Variants in SLC38A9 observed in about 807,000 individuals in gnomAD.
SLC38A9 encodes neutral amino acid transporter 9.
SLC38A9 carries 48 observed loss-of-function variants against 62.3 expected under a neutral mutation model. The observed-to-expected ratio is 0.77, with a 90% CI of 0.61 to 0.98. The LOEUF (loss-of-function observed/expected upper bound fraction) is 0.98, where lower values mean the gene tolerates loss of function less well. Among genes scored for constraint, SLC38A9 ranks in the 50% least tolerant of loss-of-function variants. SLC38A9 has a pLI of 0.00. For missense variants in SLC38A9, 541 were observed against 679.8 expected (o/e 0.80, Z 2.27); for synonymous variants, 204 against 227.7 (o/e 0.90, Z 0.94).
intron 4 of SLC38A9, 109 bp from the exon 5 acceptor site, chr5:55,669,988 G>A (rs983708804): frequency 2.4e-5 from 25 of 1,057,848 alleles, no homozygotes; most frequent in Non-Finnish European, 3.1e-5. Context: ...TCTTTTGAAC[G>A]GAGTCTCGCC....
intron 3 of SLC38A9, chr5:55,693,308 A>G (rs541898185): frequency 3.3e-5 from 5 of 152,300 alleles, no homozygotes; most frequent in South Asian, 2.1e-4. Context: ...CTGTACTTCA[A>G]TTTTTCACTT....
At chr5:55,636,757 T>G (rs1265321960) in intron 12 of SLC38A9, among the ~76,000 whole-genome samples, 1 of 152,180 alleles carries the variant, frequency 6.6e-6, no homozygotes, top group Non-Finnish European at 1.5e-5. Flanking sequence ...AGGTCTAAAT[T>G]GACAATCAGC....
At chr5:55,640,987 C>T (rs377428839) in intron 12 of SLC38A9, among the ~76,000 whole-genome samples, 251 of 152,232 alleles carry the variant, frequency 1.6e-3, no homozygotes, top group African/African-American at 5.6e-3. Flanking sequence ...CAGGCATGTG[C>T]CACCACGCCC....
chr5:55,655,854 C>G (rs1748314576), intron 9 of SLC38A9, among the ~76,000 whole-genome samples: 1 of 151,982 alleles, frequency 6.6e-6, no homozygotes. Context: ...TAACTGTTAC[C>G]AAAGTTATAT....
chr5:55,632,373 G>A (rs1004938543), intron 14 of SLC38A9, among the ~76,000 whole-genome samples: 2 of 152,182 alleles, frequency 1.3e-5, no homozygotes, highest in African/African-American at 4.8e-5. Context: ...GGGAGGTGGA[G>A]CTTGCAGTGA....
intron 13 of SLC38A9, 158 bp from the exon 14 acceptor site, chr5:55,634,060 A>G (rs1489184426): frequency 1.7e-5 from 9 of 516,700 alleles, no homozygotes; most frequent in Admixed American, 3.7e-5. Context: ...TATTTTTTCA[A>G]TGAGGTAAGT....
At chr5:55,681,149 A>G (rs2150431429) in intron 3 of SLC38A9, among the ~76,000 whole-genome samples, 1 of 152,366 alleles carries the variant, frequency 6.6e-6, no homozygotes, top group Admixed American at 6.5e-5. Flanking sequence ...ACGAACCTTA[A>G]TTCTGTTCAT....
At chr5:55,688,039 C>T (rs998707143) in intron 3 of SLC38A9, among the ~76,000 whole-genome samples, 1 of 152,088 alleles carries the variant, frequency 6.6e-6, no homozygotes, top group Non-Finnish European at 1.5e-5. Context: ...GGAGTTCATT[C>T]GAGATTTGGC....
intron 3 of SLC38A9, among the ~76,000 whole-genome samples, chr5:55,682,000 C>T (rs988994419): frequency 2.6e-5 from 4 of 152,058 alleles, no homozygotes; most frequent in Non-Finnish European, 5.9e-5. Context: ...AAAAAATTTA[C>T]CAACTCTTGT....
At chr5:55,632,306 T>A (rs576870638) in intron 14 of SLC38A9, among the ~76,000 whole-genome samples, 1 of 152,012 alleles carries the variant, frequency 6.6e-6, no homozygotes, top group African/African-American at 2.4e-5. Flanking sequence ...GGCATGGTGG[T>A]GGGCGCCTGT....
chr5:55,688,409 T>C (rs1754253695), intron 3 of SLC38A9, among the ~76,000 whole-genome samples: 2 of 142,416 alleles, frequency 1.4e-5, no homozygotes, highest in Admixed American at 7.1e-5. Context: ...TAAGACAGTC[T>C]CACTCTGTTG....
chr5:55,661,089 A>T (rs1749440635), intron 8 of SLC38A9, among the ~76,000 whole-genome samples: 1 of 151,952 alleles, frequency 6.6e-6, no homozygotes, highest in African/African-American at 2.4e-5. Flanking sequence ...AAAAACTTAA[A>T]ATTTTTTTTA....
At chr5:55,697,666 A>C (rs1349507558) in intron 3 of SLC38A9, among the ~76,000 whole-genome samples, 180 bp downstream of exon 3, 1 of 151,846 alleles carries the variant, frequency 6.6e-6, no homozygotes, top group African/African-American at 2.4e-5. Context: ...AAAAAAAAAA[A>C]AAAAAAAAAT....
chr5:55,638,314 AG>A (rs1744805507), intron 12 of SLC38A9, among the ~76,000 whole-genome samples: 1 of 152,238 alleles, frequency 6.6e-6, no homozygotes, highest in African/African-American at 2.4e-5. Context: ...TTAATGGAAT[AG>A]CCTTGAAAGC....
At chr5:55,649,877 T>C (rs1243895022) in intron 10 of SLC38A9, among the ~76,000 whole-genome samples, 1 of 152,000 alleles carries the variant, frequency 6.6e-6, no homozygotes, top group Non-Finnish European at 1.5e-5. Flanking sequence ...GCTCATACAA[T>C]GCTGAATGCA....
intron 3 of SLC38A9, among the ~76,000 whole-genome samples, chr5:55,679,400 G>GA (rs1240490298): frequency 6.6e-6 from 1 of 151,986 alleles, no homozygotes; most frequent in Non-Finnish European, 1.5e-5. Context: ...AACTTGACCT[G>GA]AAAATTAATT....
intron 3 of SLC38A9, among the ~76,000 whole-genome samples, chr5:55,688,570 C>T (rs530748592): frequency 1.3e-5 from 2 of 151,776 alleles, no homozygotes; most frequent in East Asian, 3.9e-4. Flanking sequence ...TTAGTAGAGA[C>T]GGGGTTTCAC....
At chr5:55,651,693 C>A (rs1747505330) in intron 10 of SLC38A9, among the ~76,000 whole-genome samples, 1 of 152,012 alleles carries the variant, frequency 6.6e-6, no homozygotes, top group African/African-American at 2.4e-5. Context: ...CAAAATAAAC[C>A]TACGAAGCCT....
intron 3 of SLC38A9, among the ~76,000 whole-genome samples, chr5:55,684,281 G>C (rs1411861461): frequency 6.6e-6 from 1 of 151,932 alleles, no homozygotes; most frequent in East Asian, 1.9e-4. Context: ...TCTTGTCCTG[G>C]CTTCTCTTAC....
Sources: allele counts gnomAD v4.1 joint callset (sites outside exome capture counted in the v4.1 genomes callset), GRCh38; gene constraint gnomAD v4.1.1; transcripts MANE v1.5; gene names NCBI Gene and HGNC (gene_info 2026-07-23, HGNC 2026-07-21).